Variants in FMN1 observed in about 807,000 individuals in gnomAD.
FMN1 encodes the protein formin-1.
In FMN1, 110 loss-of-function variants were observed where a neutral mutation model predicts 132.4. The ratio of observed to expected loss-of-function variants is 0.83; its 90% confidence interval spans 0.71 to 0.97. The LOEUF (loss-of-function observed/expected upper bound fraction) is 0.97. Among genes scored for constraint, FMN1 ranks in the 50% least tolerant of loss-of-function variants. The pLI, the probability that FMN1 is intolerant of heterozygous loss-of-function variation, is 0.00. For missense variants in FMN1, 1,792 were observed against 1,705.3 expected, an observed-to-expected ratio of 1.05 and a Z score of -0.90; for synonymous variants, 722 against 651.7, an observed-to-expected ratio of 1.11 and a Z score of -1.64.
intron 6 of FMN1, 133 bp downstream of exon 6, chr15:33,064,824 C>G (rs184916892): frequency 1.7e-6 from 1 of 596,476 alleles, no homozygotes; most frequent in Non-Finnish European, 2.9e-6. Context: ...AACAGCAAAA[C>G]CAAAAAGAAA....
intron 19 of FMN1, among the ~76,000 whole-genome samples, chr15:32,795,905 A>T (rs1047710562): frequency 1.1e-4 from 17 of 152,214 alleles, no homozygotes; most frequent in African/African-American, 4.1e-4. Flanking sequence ...ACTCTTCCAA[A>T]GATATAGTTA....
chr15:32,957,300 T>C (rs1186460798), intron 9 of FMN1, among the ~76,000 whole-genome samples: 1 of 87,528 alleles, frequency 1.1e-5, no homozygotes, highest in African/African-American at 6.4e-5. Context: ...GAGCAGTTCT[T>C]TTTTTTTTTT....
chr15:32,989,714 C>A (rs541418494), intron 7 of FMN1, among the ~76,000 whole-genome samples: 1 of 152,078 alleles, frequency 6.6e-6, no homozygotes, highest in African/African-American at 2.4e-5. Context: ...GCTGAATACA[C>A]GCAAGCTATG....
chr15:33,018,863 G>A (rs1421140250), intron 6 of FMN1, among the ~76,000 whole-genome samples: 2 of 152,126 alleles, frequency 1.3e-5, no homozygotes, highest in Non-Finnish European at 2.9e-5. Context: ...AAGGCAGCAC[G>A]TCTGGAGTTG....
chr15:32,955,848 T>C lies in FMN1; in HGVS notation c.3138+8259A>G, dbSNP rs555721243. 3.9e-3 allele frequency among the ~76,000 whole-genome samples: 597 copies of C among 152,212 alleles called. 8 individuals are homozygous for C. The highest frequency in any genetic ancestry group is 0.014 in the African/African-American group (580 of 41,540). On this transcript the variant is annotated intron_variant, in intron 9 of 20. Transcript: ENST00000616417. Reference sequence around the variant, plus strand: ...GTGTGCGTGCGCGCACGTGTCTGTGTGTGTGGTGAGAAAGGAATTCCAGAA... The same window carrying C: ...GTGTGCGTGCGCGCACGTGTCTGTGCGTGTGGTGAGAAAGGAATTCCAGAA...
At chr15:32,944,605 A>C (rs147372567) in intron 9 of FMN1, among the ~76,000 whole-genome samples, 170 of 152,312 alleles carry the variant, frequency 1.1e-3, no homozygotes, top group African/African-American at 4.0e-3. Flanking sequence ...CTTCACCAAG[A>C]AATGTGAAAA....
intron 5 of FMN1, among the ~76,000 whole-genome samples, chr15:33,073,352 C>T (rs145676449): frequency 5.3e-5 from 8 of 152,050 alleles, no homozygotes; most frequent in East Asian, 1.9e-4. Context: ...TAGCTTCATG[C>T]GAAAACCGTT....
intron 7 of FMN1, among the ~76,000 whole-genome samples, chr15:32,982,943 T>G (rs939697503): frequency 6.6e-6 from 1 of 152,178 alleles, no homozygotes; most frequent in African/African-American, 2.4e-5. Context: ...TCCATCATCA[T>G]GTAAGCCAAT....
intron 3 of FMN1, among the ~76,000 whole-genome samples, chr15:33,158,010 A>G (rs1416879377): frequency 6.9e-6 from 1 of 144,940 alleles, no homozygotes; most frequent in Non-Finnish European, 1.5e-5. Context: ...AAAAAAAAAA[A>G]GAAAAAGAAA....
chr15:32,941,706 G>C (rs2061404000), intron 9 of FMN1, among the ~76,000 whole-genome samples: 1 of 152,002 alleles, frequency 6.6e-6, no homozygotes. Context: ...CTGATGTTTG[G>C]CTCAAATTCC....
At chr15:33,168,452 C>T (rs537968000) in intron 3 of FMN1, among the ~76,000 whole-genome samples, 1 of 152,246 alleles carries the variant, frequency 6.6e-6, no homozygotes, top group East Asian at 1.9e-4. Context: ...GTTAGGAATT[C>T]CTCTTTGTCC....
chr15:32,979,555 C>CAAAAAAA (rs66993265), intron 7 of FMN1, among the ~76,000 whole-genome samples: 1 of 57,468 alleles, frequency 1.7e-5, no homozygotes, highest in Non-Finnish European at 3.9e-5. Flanking sequence ...GACTCTGTCT[C>CAAAAAAA]AAAAAAAAAA....
chr15:32,883,089 T>C (rs959847721), intron 16 of FMN1, among the ~76,000 whole-genome samples: 1 of 152,228 alleles, frequency 6.6e-6, no homozygotes, highest in Admixed American at 6.5e-5. Flanking sequence ...TCCATTAGAT[T>C]AGCAACCAGT....
chr15:32,899,630 C>G (rs377589735), intron 14 of FMN1, among the ~76,000 whole-genome samples: 4 of 152,234 alleles, frequency 2.6e-5, no homozygotes, highest in African/African-American at 9.6e-5. Flanking sequence ...CTACTAGTAG[C>G]CAACACTAAA....
intron 4 of FMN1, among the ~76,000 whole-genome samples, chr15:33,133,008 G>A (rs569087893): frequency 6.6e-6 from 1 of 152,250 alleles, no homozygotes; most frequent in South Asian, 2.1e-4. Flanking sequence ...AACTGCCCTC[G>A]CTTTGTAAAA....
intron 7 of FMN1, among the ~76,000 whole-genome samples, chr15:33,007,404 G>C (rs1386486252): frequency 6.6e-6 from 1 of 152,136 alleles, no homozygotes; most frequent in African/African-American, 2.4e-5. Flanking sequence ...TGAACTTTCT[G>C]CCACAGGCAC....
At chr15:32,907,446 G>T (rs974572714) in intron 12 of FMN1, among the ~76,000 whole-genome samples, 1 of 152,100 alleles carries the variant, frequency 6.6e-6, no homozygotes, top group Non-Finnish European at 1.5e-5. Context: ...ACAGGAGGCG[G>T]AGCTCAGGTG....
At chr15:32,884,613 C>T (rs1262198758) in intron 16 of FMN1, among the ~76,000 whole-genome samples, 1 of 152,120 alleles carries the variant, frequency 6.6e-6, no homozygotes, top group Non-Finnish European at 1.5e-5. Flanking sequence ...TTCTGCCTAC[C>T]ACATATGGGT....
Position 33,074,027 on chromosome 15 carries a change from G to A in FMN1, c.2044-8953C>T, listed in dbSNP as rs1030342783. Among the ~76,000 whole-genome samples the A allele has an allele frequency of 4.6e-5, 7 of 152,102 alleles. No individual in the cohort carries two copies. The South Asian group carries it at 8.3e-4, about 18-fold the overall frequency. On this transcript the variant is annotated intron_variant, in intron 5 of 20. Transcript: ENST00000616417. ...GCTACAGGCATGAGCCACTGCCTCC[G>A]GCCTGGCTTGACCTTTTGTTTTAAA...
Sources: gnomAD v4.1 joint callset for allele counts (sites outside exome capture counted in the v4.1 genomes callset) on GRCh38, gnomAD v4.1.1 for gene constraint, MANE v1.5 for transcripts, NCBI Gene and HGNC (gene_info 2026-07-23, HGNC 2026-07-21) for gene names.